Variants in SYT14 observed in about 807,000 individuals in gnomAD.
The protein encoded by SYT14 is synaptotagmin-14.
SYT14 carries 32 observed loss-of-function variants against 74.2 expected under a neutral mutation model. The ratio of observed to expected loss-of-function variants is 0.43; its 90% CI spans 0.33 to 0.58. The LOEUF (loss-of-function observed/expected upper bound fraction) is 0.58. Among genes scored for constraint, SYT14 ranks in the 20% least tolerant of loss-of-function variants. The pLI, the probability that SYT14 is intolerant of heterozygous loss-of-function variation, is 0.05. For synonymous variants in SYT14, 298 were observed against 337.7 expected (o/e 0.88, Z 1.29); for missense variants, 791 against 981.8 (o/e 0.81, Z 2.60).
intron 5 of SYT14, among the ~76,000 whole-genome samples, chr1:210,055,208 A>G (rs956764311): frequency 6.6e-6 from 1 of 152,242 alleles, no homozygotes; most frequent in Non-Finnish European, 1.5e-5. Flanking sequence ...ATGTGATATA[A>G]TAAACTTTTC....
intron 7 of SYT14, among the ~76,000 whole-genome samples, chr1:210,154,287 T>TG (rs2083226087): frequency 1.3e-5 from 2 of 152,150 alleles, no homozygotes; most frequent in South Asian, 4.2e-4. Flanking sequence ...GTCCATGGCC[T>TG]GTTAGGAATG....
chr1:210,107,628 G>C (rs1473263572), intron 7 of SYT14, among the ~76,000 whole-genome samples: 2 of 152,102 alleles, frequency 1.3e-5, no homozygotes, highest in African/African-American at 4.8e-5. Context: ...TTAACTTAGA[G>C]AAGGATTATT....
chr1:210,008,015 A>C (rs1015382262), intron 2 of SYT14, among the ~76,000 whole-genome samples: 3 of 152,214 alleles, frequency 2.0e-5, no homozygotes, highest in Non-Finnish European at 4.4e-5. Flanking sequence ...GTTCAAATAC[A>C]GACTGTGTCA....
chr1:210,005,704 A>G (rs1226675998), intron 2 of SYT14, among the ~76,000 whole-genome samples: 3 of 151,964 alleles, frequency 2.0e-5, no homozygotes, highest in South Asian at 2.1e-4. Flanking sequence ...TCATAATTCT[A>G]AAGCCTCAAT....
chr1:209,992,180 C>G (rs1023006262), intron 2 of SYT14, among the ~76,000 whole-genome samples: 1 of 152,028 alleles, frequency 6.6e-6, no homozygotes, highest in African/African-American at 2.4e-5. Flanking sequence ...GGGTCTTGCT[C>G]TGTCACCCAG....
chr1:210,000,897 A>C (rs891599889), intron 2 of SYT14, among the ~76,000 whole-genome samples: 6 of 151,996 alleles, frequency 3.9e-5, no homozygotes, highest in African/African-American at 1.4e-4. Flanking sequence ...CCTTCTTTTT[A>C]AAACTTGTTT....
At chr1:210,028,145 G>A in intron 5 of SYT14, among the ~76,000 whole-genome samples, 1 of 152,058 alleles carries the variant, frequency 6.6e-6, no homozygotes, top group East Asian at 1.9e-4. Flanking sequence ...TCATATAAGT[G>A]GAATCATACT....
chr1:210,086,297 T>C (rs2081728756), intron 5 of SYT14, among the ~76,000 whole-genome samples: 1 of 152,202 alleles, frequency 6.6e-6, no homozygotes, highest in Admixed American at 6.5e-5. Flanking sequence ...AAAAGTATTT[T>C]GTGGGAAGAT....
intron 5 of SYT14, among the ~76,000 whole-genome samples, chr1:210,083,163 T>G (rs2081649738): frequency 1.3e-5 from 2 of 152,006 alleles, no homozygotes; most frequent in African/African-American, 4.8e-5. Context: ...GGGGTTTTTT[T>G]GTATTTTTAG....
At chr1:209,999,952 C>T (rs925308990) in intron 2 of SYT14, among the ~76,000 whole-genome samples, 7 of 152,058 alleles carry the variant, frequency 4.6e-5, no homozygotes, top group Non-Finnish European at 1.0e-4. Flanking sequence ...GTGATGGATA[C>T]CTTAAAGTAC....
At chr1:209,958,404 T>C (rs1050924115) in intron 2 of SYT14, among the ~76,000 whole-genome samples, 2 of 151,960 alleles carry the variant, frequency 1.3e-5, no homozygotes, top group African/African-American at 2.4e-5. Flanking sequence ...CAGAATCAGC[T>C]TGTCAAGTTC....
chr1:210,151,509 C>CCA (rs1463794040), intron 7 of SYT14, among the ~76,000 whole-genome samples: 1 of 138,258 alleles, frequency 7.2e-6, no homozygotes, highest in Non-Finnish European at 1.5e-5. Flanking sequence ...CGAATGCCCC[C>CCA]CCCCTTTTTT....
chr1:210,129,143 G>A (rs1255828454), intron 7 of SYT14, among the ~76,000 whole-genome samples: 3 of 152,130 alleles, frequency 2.0e-5, no homozygotes, highest in Non-Finnish European at 4.4e-5. Context: ...AGATTACACT[G>A]AATAATTATT....
chr1:209,967,490 A>T (rs1383068822), intron 2 of SYT14, among the ~76,000 whole-genome samples: 10 of 152,174 alleles, frequency 6.6e-5, no homozygotes, highest in South Asian at 6.2e-4. Context: ...CTTAATTTTT[A>T]AAAAAATATA....
intron 7 of SYT14, among the ~76,000 whole-genome samples, chr1:210,146,783 CATACTATATGTATGTAATAT>C (rs1279687658): frequency 2.0e-5 from 3 of 150,328 alleles, no homozygotes; most frequent in Non-Finnish European, 4.4e-5. Flanking sequence ...ATACTACATA[CATACTATATGTATGTAATAT>C]ATACTACATA....
chr1:210,060,795 C>T (rs1290324967), intron 5 of SYT14, among the ~76,000 whole-genome samples: 1 of 151,992 alleles, frequency 6.6e-6, no homozygotes, highest in East Asian at 1.9e-4. Context: ...TTCTATGCAT[C>T]ATTTTCTCCA....
chr1:210,054,509 T>C (rs1026293808), intron 5 of SYT14, among the ~76,000 whole-genome samples: 1 of 152,212 alleles, frequency 6.6e-6, no homozygotes, highest in Non-Finnish European at 1.5e-5. Context: ...ATTTTCTTTT[T>C]TTTAAGTCTC....
At chr1:210,094,482 A>T (rs1220304695) in exon 6 of SYT14, 4 of 1,613,898 alleles carry the variant, frequency 2.5e-6, no homozygotes, top group Non-Finnish European at 3.4e-6. Flanking sequence ...CAAGATGCTC[A>T]TATAACAAGT....
intron 5 of SYT14, among the ~76,000 whole-genome samples, chr1:210,091,746 A>G (rs1398342459): frequency 6.6e-6 from 1 of 152,106 alleles, no homozygotes; most frequent in Admixed American, 6.5e-5. Flanking sequence ...TCTTTTCCAT[A>G]TAGATATGAA....
Sources: gnomAD v4.1 joint callset for allele counts (sites outside exome capture counted in the v4.1 genomes callset) on GRCh38, gnomAD v4.1.1 for gene constraint, MANE v1.5 for transcripts, NCBI Gene and HGNC (gene_info 2026-07-23, HGNC 2026-07-21) for gene names.